DUSP22: variants seen among roughly 807,000 people sequenced by gnomAD.
DUSP22 encodes dual specificity phosphatase 22.
A neutral mutation model predicts 24.5 loss-of-function variants in DUSP22; 24 were observed. The ratio of observed to expected loss-of-function variants is 0.98; its 90% CI spans 0.71 to 1.38. DUSP22 has a LOEUF of 1.38. Among genes scored for constraint, DUSP22 ranks in the 40% most tolerant of loss-of-function variants. The pLI is 0.00. For synonymous variants in DUSP22, 160 were observed against 106.4 expected (o/e 1.50, Z -3.10); for missense variants, 330 against 269.2 (o/e 1.23, Z -1.58).
intron 2 of DUSP22, among the ~76,000 whole-genome samples, chr6:308,490 G>A (rs1163937696): frequency 1.3e-5 from 2 of 152,298 alleles, no homozygotes; most frequent in African/African-American, 4.8e-5. Flanking sequence ...ATGCATCAGC[G>A]AACACGGTGC....
intron 3 of DUSP22, among the ~76,000 whole-genome samples, chr6:327,078 C>T (rs1288364321): frequency 6.6e-6 from 1 of 152,304 alleles, no homozygotes; most frequent in African/African-American, 2.4e-5. Context: ...AATCAGTGGG[C>T]ACAGCTGTGC....
At chr6:329,503 AG>A (rs2127409618) in intron 3 of DUSP22, among the ~76,000 whole-genome samples, 1 of 152,418 alleles carries the variant, frequency 6.6e-6, no homozygotes, top group African/African-American at 2.4e-5. Context: ...CCCAGACTGG[AG>A]TGCAGTGGTG....
chr6:345,780 T>G (rs1199655960), intron 4 of DUSP22, 74 bp from the exon 5 acceptor site: 3 of 1,547,494 alleles, frequency 1.9e-6, no homozygotes, highest in African/African-American at 1.4e-5. Flanking sequence ...GAAAGAAGCC[T>G]CAGGTAGAAT....
chr6:339,567 GA>G (rs1291410813), intron 4 of DUSP22, among the ~76,000 whole-genome samples: 3 of 152,092 alleles, frequency 2.0e-5, no homozygotes, highest in Non-Finnish European at 2.9e-5. Flanking sequence ...CTTTTTCTGT[GA>G]AGTCCAAGGG....
intron 2 of DUSP22, among the ~76,000 whole-genome samples, 192 bp from the exon 3 acceptor site, chr6:311,688 A>AG (rs397757289): frequency 3.2e-3 from 491 of 152,190 alleles, no homozygotes; most frequent in African/African-American, 0.011. Flanking sequence ...TCAAAAAAAA[A>AG]CAAAAGAAAT....
intron 4 of DUSP22, among the ~76,000 whole-genome samples, chr6:343,939 T>C (rs1469557720): frequency 6.6e-6 from 1 of 152,308 alleles, no homozygotes; most frequent in Non-Finnish European, 1.5e-5. Context: ...GAGAAGTCAG[T>C]TTAGTCCATG....
rs368122798 is a variant in DUSP22, at chr6:345,953, C to T, written c.263+25C>T. 6.1e-5 allele frequency: 98 copies of T among 1,613,456 alleles called. No homozygotes were observed. In the East Asian group the frequency reaches 1.3e-3, roughly 21 times the overall value. ...GGTACGTGTGTCTCTTGCTTAATAGCGCCTTAGCGTATTCTGGTCGGCTTG... is the reference window on the plus strand; with the variant it reads ...GGTACGTGTGTCTCTTGCTTAATAGTGCCTTAGCGTATTCTGGTCGGCTTG... On this transcript the variant is annotated intron_variant, in intron 5 of 6. Transcript: ENST00000419235.
At chr6:331,964 C>T (rs1759160499) in intron 3 of DUSP22, among the ~76,000 whole-genome samples, 1 of 152,422 alleles carries the variant, frequency 6.6e-6, no homozygotes, top group South Asian at 2.1e-4. Context: ...GTGTGGGTGG[C>T]TTGCTGTTTG....
intron 3 of DUSP22, among the ~76,000 whole-genome samples, chr6:330,975 C>T (rs952883260): frequency 6.6e-6 from 1 of 152,296 alleles, no homozygotes; most frequent in Non-Finnish European, 1.5e-5. Flanking sequence ...GAGACTGTTC[C>T]TTACTTCTTC....
At chr6:293,021 A>G (rs1313451624) in intron 1 of DUSP22, among the ~76,000 whole-genome samples, 1 of 152,292 alleles carries the variant, frequency 6.6e-6, no homozygotes, top group Non-Finnish European at 1.5e-5. Flanking sequence ...GCCTGTGAGC[A>G]CAGAGAAGTT....
At chr6:319,296 G>A (rs1758478159) in intron 3 of DUSP22, among the ~76,000 whole-genome samples, 1 of 152,312 alleles carries the variant, frequency 6.6e-6, no homozygotes, top group African/African-American at 2.4e-5. Context: ...GTTCAGGCCT[G>A]GCTGGAAGGT....
intron 3 of DUSP22, among the ~76,000 whole-genome samples, chr6:314,975 G>A (rs868437338): frequency 6.6e-5 from 10 of 152,416 alleles, no homozygotes; most frequent in Middle Eastern, 3.4e-3. Flanking sequence ...AAAGAAAATA[G>A]AAGGTACTGT....
At chr6:335,817 C>T (rs1234172416) in intron 4 of DUSP22, among the ~76,000 whole-genome samples, 1 of 152,302 alleles carries the variant, frequency 6.6e-6, no homozygotes, top group Non-Finnish European at 1.5e-5. Flanking sequence ...CCTTATGGGG[C>T]AGCATGCTGG....
Position 348,851 on chromosome 6 carries a change from A to T in DUSP22, c.518A>T (p.Lys173Met). ...EEAKNILGKY[K>M]EQGRTEPQPG... The stretch of plus-strand genomic sequence containing the variant: ...GCCAAAAACATTCTGGGTAAATATA[A>T]GGAGCAAGGGCGCACAGAGCCCCAG... The change falls in exon 7 of 7, where the codon AAG becomes ATG. Residue 173 changes from lysine (K) to methionine (M), a missense_variant. Coordinates refer to ENST00000419235, the MANE Select transcript of DUSP22 (RefSeq NM_001286555.3). 1.9e-6 allele frequency: 3 copies of T among 1,614,310 alleles called. No individual in the cohort carries two copies. Among genetic ancestry groups the T allele is most frequent in the Non-Finnish European group, 2.5e-6 (3 of 1,180,058 alleles).
chr6:309,669 A>G (rs1195809394), intron 2 of DUSP22, among the ~76,000 whole-genome samples: 5 of 151,426 alleles, frequency 3.3e-5, no homozygotes, highest in Non-Finnish European at 7.4e-5. Flanking sequence ...CTTCAGAGCC[A>G]CTCATGTAGA....
At chr6:303,676 T>C (rs1181311405) in intron 1 of DUSP22, among the ~76,000 whole-genome samples, 1 of 152,306 alleles carries the variant, frequency 6.6e-6, no homozygotes, top group Non-Finnish European at 1.5e-5. Flanking sequence ...TCGTGGCAAG[T>C]GATATCGTGA....
rs747000459 is a variant in DUSP22 at position 348,889 on chromosome 6, C to T, written c.556C>T (p.Arg186Trp). 5.1e-5 allele frequency: 83 copies of T among 1,613,958 alleles called. No homozygotes were observed. Among genetic ancestry groups the T allele is most frequent in the Admixed American group, 1.0e-4 (6 of 59,974 alleles). ...CACAGAGCCCCAGCCCGGCGCCAGG[C>T]GGTGGAGCAGTTTTCCGGCACTGGC... ...GRTEPQPGAR[R>W]WSSFPALAPL... is the part of the protein sequence containing the mutation. The change falls in exon 7 of 7, where the codon CGG becomes TGG. Residue 186 changes from arginine (R) to tryptophan (W), a missense_variant. Transcript: ENST00000419235.
chr6:348,405 C>T (rs972244536), intron 6 of DUSP22, 131 bp downstream of exon 6: 212 of 1,424,642 alleles, frequency 1.5e-4, no homozygotes, highest in Middle Eastern at 5.4e-4. Context: ...GCTCCCAGGG[C>T]GCCCAGCTGC....
At chr6:318,043 T>C (rs1758414593) in intron 3 of DUSP22, among the ~76,000 whole-genome samples, 1 of 152,306 alleles carries the variant, frequency 6.6e-6, no homozygotes, top group Admixed American at 6.5e-5. Flanking sequence ...GCAGTCTGTG[T>C]AGTTCCTCAC....
Sources: allele counts gnomAD v4.1 joint callset (sites outside exome capture counted in the v4.1 genomes callset), GRCh38; gene constraint gnomAD v4.1.1; transcripts MANE v1.5; gene names NCBI Gene and HGNC (gene_info 2026-07-23, HGNC 2026-07-21).